Variants in WDHD1 observed in about 807,000 individuals in gnomAD.
WDHD1 encodes the protein WD repeat and HMG-box DNA-binding protein 1.
WDHD1 carries 111 observed loss-of-function variants against 135.4 expected under a neutral mutation model. The ratio of observed to expected loss-of-function variants is 0.82; its 90% CI spans 0.70 to 0.96. WDHD1 has a LOEUF of 0.96. Ranked by LOEUF, WDHD1 falls within the 40% of genes least tolerant of loss-of-function variation. The pLI, the probability that WDHD1 is intolerant of heterozygous loss-of-function variation, is 0.00. For missense variants in WDHD1, 1,351 were observed against 1,336.3 expected, an observed-to-expected ratio of 1.01 and a Z score of -0.17; for synonymous variants, 434 against 439.0, an observed-to-expected ratio of 0.99 and a Z score of 0.14.
At chr14:54,954,495 A>G (rs1369249998) in intron 24 of WDHD1, among the ~76,000 whole-genome samples, 1 of 152,246 alleles carries the variant, frequency 6.6e-6, no homozygotes, top group African/African-American at 2.4e-5. Context: ...TCCATCTTAT[A>G]GCTATATATG....
At chr14:55,019,156 T>C (rs927954077) in intron 2 of WDHD1, among the ~76,000 whole-genome samples, 1 of 152,230 alleles carries the variant, frequency 6.6e-6, no homozygotes, top group African/African-American at 2.4e-5. Flanking sequence ...AAATATATTT[T>C]TCAGAAAAAT....
At chr14:54,988,586 T>C (rs1472541500) in intron 13 of WDHD1, among the ~76,000 whole-genome samples, 2 of 152,122 alleles carry the variant, frequency 1.3e-5, no homozygotes, top group Non-Finnish European at 2.9e-5. Context: ...GAGGTTCAAA[T>C]AGAAAGAAAT....
Position 54,944,364 on chromosome 14 carries a change from G to GA in WDHD1, c.3156dup (p.Arg1053SerfsTer3), listed in dbSNP as rs780600143. The GA allele has an allele frequency of 8.1e-6, 13 of 1,606,788 alleles. No homozygotes were observed. In the African/African-American group the frequency reaches 1.7e-4, roughly 22 times the overall value. Reference sequence around the variant, plus strand: ...TCTTCAGTTGACAATACTCTAAATCGAATCATTCCTTCTTTTATTATGTCT... The same window carrying GA: ...TCTTCAGTTGACAATACTCTAAATCGAAATCATTCCTTCTTTTATTATGTCT... On this transcript the variant is annotated frameshift_variant, in exon 25 of 26. Transcript: ENST00000360586. LOFTEE classifies it high-confidence loss of function.
Position 54,995,050 on chromosome 14 carries a change from C to T in WDHD1, c.1153+553G>A, listed in dbSNP as rs143267073. Reference sequence around the variant, plus strand: ...TGCTGGCATGCAGTTGACGCGATCTCGGCTCACTGCAACCTCCACCTCCTG... The same window carrying T: ...TGCTGGCATGCAGTTGACGCGATCTTGGCTCACTGCAACCTCCACCTCCTG... On this transcript the variant is annotated intron_variant, in intron 11 of 25. Transcript: ENST00000360586. Among the ~76,000 whole-genome samples, 1,134 of 152,240 alleles carry T rather than the reference C, an allele frequency of 7.4e-3. 6 individuals are homozygous for T. Among genetic ancestry groups the T allele is most frequent in the Middle Eastern group, 0.041 (12 of 294 alleles).
At chr14:55,017,245 T>C (rs2140230117) in intron 2 of WDHD1, among the ~76,000 whole-genome samples, 1 of 152,354 alleles carries the variant, frequency 6.6e-6, no homozygotes, top group East Asian at 1.9e-4. Flanking sequence ...GCTTTTAGAG[T>C]AGTCTAAACA....
intron 4 of WDHD1, among the ~76,000 whole-genome samples, 193 bp downstream of exon 4, chr14:55,010,116 G>T (rs1595119151): frequency 6.6e-6 from 1 of 152,158 alleles, no homozygotes; most frequent in Admixed American, 6.5e-5. Flanking sequence ...ACCACAACCG[G>T]CCAAAGCAAT....
intron 15 of WDHD1, among the ~76,000 whole-genome samples, chr14:54,983,147 G>C (rs1349650470): frequency 6.6e-6 from 1 of 152,012 alleles, no homozygotes; most frequent in African/African-American, 2.4e-5. Context: ...CTGGGTGACA[G>C]AGTGAGACTC....
Position 54,987,141 on chromosome 14 carries a change from T to C in WDHD1, c.1768+5A>G. ...TCAAGTCATAAAAGACTGAAAAAAA[T>C]CTACCTCTGTGATAAACAATGAAAA... is the stretch of plus-strand genomic sequence containing the variant. On this transcript the variant is annotated splice_donor_5th_base_variant and intron_variant, in intron 14 of 25. Coordinates refer to ENST00000360586, the MANE Select transcript of WDHD1 (RefSeq NM_007086.4). 6.2e-7 allele frequency: 1 copy of C among 1,611,898 alleles called. No individual in the cohort carries two copies. Among genetic ancestry groups the C allele is most frequent in the Non-Finnish European group, 8.5e-7 (1 of 1,179,312 alleles).
At chr14:55,003,354 A>T (rs1261896407) in intron 7 of WDHD1, among the ~76,000 whole-genome samples, 1 of 151,692 alleles carries the variant, frequency 6.6e-6, no homozygotes, top group African/African-American at 2.4e-5. Context: ...TACAAAAAAT[A>T]AAAAAATTAG....
rs940903061 is a variant in WDHD1 at position 55,010,203 on chromosome 14, A to G, written c.341+106T>C. The G allele has an allele frequency of 1.4e-5, 17 of 1,225,574 alleles. No individual in the cohort carries two copies. The South Asian group carries it at 4.0e-4, about 29-fold the overall frequency. The allele number at this position is 1,225,574 out of a possible 1,614,324, so 75.9% of individuals were successfully genotyped here. A position where few individuals can be genotyped will look rare whatever the true frequency, so the allele number is the denominator to read the frequency against. ...ATAAAAGAATATATGAAGAAACAAC[A>G]AACAACAAAAAATTAAGTCACGGTC... On this transcript the variant is annotated intron_variant, in intron 4 of 25. Transcript: ENST00000360586.
At chr14:54,987,120 G>A in intron 14 of WDHD1, 26 bp downstream of exon 14, 1 of 1,608,040 alleles carries the variant, frequency 6.2e-7, no homozygotes, top group South Asian at 1.1e-5. Flanking sequence ...TTTACTTCAA[G>A]TCATAAAAGA....
At chr14:54,942,634 G>T (rs1195639158) in intron 25 of WDHD1, among the ~76,000 whole-genome samples, 3 of 152,128 alleles carry the variant, frequency 2.0e-5, no homozygotes, top group Non-Finnish European at 4.4e-5. Context: ...ATATAAATGA[G>T]TATATATTCT....
chr14:54,990,789 C>G (rs1328259059), intron 12 of WDHD1, among the ~76,000 whole-genome samples: 1 of 152,046 alleles, frequency 6.6e-6, no homozygotes, highest in African/African-American at 2.4e-5. Context: ...GGAAAAGGGT[C>G]AGACTTTTCC....
In WDHD1 at chr14:55,013,726, A is replaced by G. The variant is rs2140227110; in HGVS notation, c.78-130T>C. ...TTCAAGACTAGCCTGGATAATACAG[A>G]GAGACCTAGTCTCTACAAAAAATTA... On this transcript the variant is annotated intron_variant, in intron 2 of 25. Transcript: ENST00000360586. 3 of 688,972 alleles carry G rather than the reference A, an allele frequency of 4.4e-6. No individual in the cohort carries two copies. In the East Asian group the frequency reaches 8.0e-5, roughly 18 times the overall value. The allele number at this position is 688,972 out of a possible 1,614,324, so 42.7% of individuals were successfully genotyped here.
intron 8 of WDHD1, 48 bp from the exon 9 acceptor site, chr14:55,001,040 CTAAA>C: frequency 2.5e-6 from 3 of 1,213,140 alleles, no homozygotes; most frequent in Non-Finnish European, 2.2e-6. Context: ...AAATTTCAAA[CTAAA>C]TACTCATTTT....
intron 14 of WDHD1, among the ~76,000 whole-genome samples, chr14:54,986,622 A>G (rs1041792531): frequency 3.9e-5 from 6 of 152,258 alleles, no homozygotes; most frequent in African/African-American, 1.4e-4. Flanking sequence ...GGGAGCTGCC[A>G]GTGAGGAAAA....
intron 10 of WDHD1, among the ~76,000 whole-genome samples, chr14:55,000,211 G>T (rs1347905694): frequency 6.6e-6 from 1 of 152,126 alleles, no homozygotes; most frequent in Non-Finnish European, 1.5e-5. Context: ...GGCTAATTCA[G>T]AGTAGAAACA....
At chr14:54,983,608 G>A (rs979168671) in intron 15 of WDHD1, among the ~76,000 whole-genome samples, 2 of 152,046 alleles carry the variant, frequency 1.3e-5, no homozygotes, top group South Asian at 4.1e-4. Context: ...GGAAGGCAGA[G>A]GTTGCAGTAA....
intron 21 of WDHD1, among the ~76,000 whole-genome samples, chr14:54,958,656 T>C (rs1372090493): frequency 6.6e-6 from 1 of 152,220 alleles, no homozygotes; most frequent in Non-Finnish European, 1.5e-5. Flanking sequence ...CTTGATACTT[T>C]GTCCTCTCTT....
Sources: gnomAD v4.1 joint callset for allele counts (sites outside exome capture counted in the v4.1 genomes callset) on GRCh38, gnomAD v4.1.1 for gene constraint, MANE v1.5 for transcripts, NCBI Gene and HGNC (gene_info 2026-07-23, HGNC 2026-07-21) for gene names.